The following SCN3A variants were observed in gnomAD, a reference collection of about 807,000 sequenced individuals.
SCN3A encodes the protein sodium channel protein type 3 subunit alpha.
SCN3A carries 60 observed loss-of-function variants against 187.6 expected under a neutral mutation model. That is an observed-to-expected ratio of 0.32 (90% CI 0.26 to 0.40). The LOEUF is 0.40. SCN3A is among the 10% of genes least tolerant of loss of function. SCN3A has a pLI of 1.00. For synonymous variants in SCN3A, 788 were observed against 829.2 expected (o/e 0.95, Z 0.85); for missense variants, 1,601 against 2,428.2 (o/e 0.66, Z 7.16).
intron 2 of SCN3A, chr2:165,179,610 T>G (rs1690708021): frequency 2.0e-5 from 3 of 152,174 alleles, no homozygotes; most frequent in South Asian, 2.1e-4. Context: ...CAAAAGAAAG[T>G]AAAAACGTCT....
chr2:165,126,470 C>G (rs1385279317), intron 18 of SCN3A, among the ~76,000 whole-genome samples: 3 of 145,862 alleles, frequency 2.1e-5, no homozygotes, highest in African/African-American at 7.7e-5. Context: ...CTTTCTCTTT[C>G]TTTATTTCTT....
chr2:165,176,672 A>C (rs1423109157), intron 2 of SCN3A, among the ~76,000 whole-genome samples: 1 of 152,158 alleles, frequency 6.6e-6, no homozygotes, highest in Admixed American at 6.6e-5. Context: ...AATTAGTTTG[A>C]TTTAGCCATT....
chr2:165,126,998 T>C (rs1687034148), intron 18 of SCN3A, among the ~76,000 whole-genome samples: 1 of 152,178 alleles, frequency 6.6e-6, no homozygotes, highest in Admixed American at 6.5e-5. Context: ...CGAAAATAAG[T>C]TATTTTTTAA....
In SCN3A at chr2:165,097,316, C is replaced by T. The variant is rs770870751; in HGVS notation, c.4175G>A (p.Arg1392Gln). ...SDCQALGKQA[R>Q]WKNVKVNFDN... ...AAAGTTTACTTTCACGTTTTTCCAC[C>T]GAGCTTGCTTGCCAAGAGCCTGACA... Residue 1392 changes from arginine (R) to glutamine (Q), a missense_variant, in exon 23 of 28, where the codon CGG (arginine) becomes CAG (glutamine). Physicochemically the swap from Arg to Gln is conservative, Grantham distance 43 (BLOSUM62 1). This residue lies in a region of SCN3A where 320 missense variants were observed against 623.2 expected (regional missense o/e 0.51). Coordinates refer to ENST00000283254, the MANE Select transcript of SCN3A (RefSeq NM_006922.4). 1.5e-5 allele frequency: 25 copies of T among 1,613,880 alleles called. No individual in the cohort carries two copies. Among genetic ancestry groups the T allele is most frequent in the African/African-American group, 8.0e-5 (6 of 74,880 alleles).
chr2:165,159,750 A>G (rs551571446), intron 9 of SCN3A, among the ~76,000 whole-genome samples: 1 of 134,054 alleles, frequency 7.5e-6, no homozygotes, highest in South Asian at 2.4e-4. Flanking sequence ...TTCTCTTAAG[A>G]ATATCTTTGT....
chr2:165,106,547 G>A (rs1386101046), intron 21 of SCN3A, among the ~76,000 whole-genome samples: 1 of 152,114 alleles, frequency 6.6e-6, no homozygotes, highest in East Asian at 1.9e-4. Flanking sequence ...CATAATGAAT[G>A]TATGTTATAT....
At chr2:165,128,978 T>C (rs1687155165) in intron 17 of SCN3A, among the ~76,000 whole-genome samples, 1 of 152,206 alleles carries the variant, frequency 6.6e-6, no homozygotes, top group African/African-American at 2.4e-5. Context: ...TAGTTAGTTA[T>C]TGAGTTTCAG....
In SCN3A at chr2:165,175,843, AGATATTTCACTTT is replaced by A. The variant is rs537037656; in HGVS notation, c.264+275_264+287del. On this transcript the variant is annotated intron_variant, in intron 3 of 27. Coordinates refer to ENST00000283254, the MANE Select transcript of SCN3A (RefSeq NM_006922.4). ...TGTGCTTGAATATGTCAGCCATAAC[AGATATTTCACTTT>A]GTTGATATTAATTTTAATTTTGACT... Among the ~76,000 whole-genome samples, 142 of 152,266 alleles carry A rather than the reference AGATATTTCACTTT, an allele frequency of 9.3e-4. 2 individuals are homozygous for A. The highest frequency in any genetic ancestry group is 3.4e-3 in the African/African-American group (141 of 41,562).
intron 23 of SCN3A, 77 bp downstream of exon 23, chr2:165,097,175 A>G (rs1478574860): frequency 6.4e-7 from 1 of 1,561,614 alleles, no homozygotes; most frequent in East Asian, 2.2e-5. Flanking sequence ...TAGTCATTCA[A>G]ACGAAGAACA....
At chr2:165,099,002 A>T (rs1187427965) in intron 22 of SCN3A, among the ~76,000 whole-genome samples, 8 of 152,196 alleles carry the variant, frequency 5.3e-5, no homozygotes, top group Non-Finnish European at 1.2e-4. Flanking sequence ...ATCTTGTCTA[A>T]CTTTCTTTAG....
intron 15 of SCN3A, among the ~76,000 whole-genome samples, chr2:165,137,166 C>A (rs1687716509): frequency 6.6e-6 from 1 of 152,090 alleles, no homozygotes; most frequent in Non-Finnish European, 1.5e-5. Context: ...GAAAACTGTT[C>A]CTAAAGTCAG....
At chr2:165,134,198 A>C (rs201396201) in intron 15 of SCN3A, among the ~76,000 whole-genome samples, 1 of 152,224 alleles carries the variant, frequency 6.6e-6, no homozygotes, top group Non-Finnish European at 1.5e-5. Flanking sequence ...CAATAGAAAG[A>C]AAAACAATGA....
intron 15 of SCN3A, among the ~76,000 whole-genome samples, chr2:165,137,259 T>A (rs1394357959): frequency 6.6e-6 from 1 of 152,178 alleles, no homozygotes; most frequent in Non-Finnish European, 1.5e-5. Context: ...GCCCCAAGTT[T>A]GTTTTAGTAC....
rs1685898348 is a variant in SCN3A, at chr2:165,107,097, G to T, written c.3843+5788C>A. On this transcript the variant is annotated intron_variant, in intron 21 of 27. Transcript: ENST00000283254. ...ATTTGGAAGAAATGCATGACTTAGAGGGGAAACATGATGAACATGTGCAGA... is the reference window on the plus strand; with the variant it reads ...ATTTGGAAGAAATGCATGACTTAGATGGGAAACATGATGAACATGTGCAGA... 3.3e-5 allele frequency among the ~76,000 whole-genome samples: 5 copies of T among 152,148 alleles called. No individual in the cohort carries two copies. In the South Asian group the frequency reaches 1.0e-3, roughly 32 times the overall value.
chr2:165,093,752 C>G (rs1328048847), intron 26 of SCN3A: 2 of 152,330 alleles, frequency 1.3e-5, no homozygotes, highest in African/African-American at 4.8e-5. Flanking sequence ...CTGGCAATTA[C>G]AAGATTTGTG....
chr2:165,175,766 C>A (rs916110378), intron 3 of SCN3A, among the ~76,000 whole-genome samples: 2 of 152,058 alleles, frequency 1.3e-5, no homozygotes, highest in African/African-American at 4.8e-5. Context: ...TAATTAAGTA[C>A]AACATATGCT....
chr2:165,162,649 T>C lies in SCN3A; in HGVS notation c.874A>G (p.Thr292Ala), dbSNP rs112482609. 2 of 1,613,944 alleles carry C rather than the reference T, an allele frequency of 1.2e-6. No individual in the cohort carries two copies. The highest frequency in any genetic ancestry group is 1.7e-6 in the Non-Finnish European group (2 of 1,180,004). Reference sequence around the variant, plus strand: ...TCCATTGTGCCATTAAAGTAGGAAGTGGTGTTGGTTTCAAAAGCAGAATCG... The same window carrying C: ...TCCATTGTGCCATTAAAGTAGGAAGCGGTGTTGGTTTCAAAAGCAGAATCG... ...PSDSAFETNTTSYFNGTMDSN... is the reference protein window; with the variant it reads ...PSDSAFETNTASYFNGTMDSN... The change falls in exon 8 of 28, where the codon ACT becomes GCT. Residue 292 changes from threonine to alanine, a missense_variant. Physicochemically the swap from Thr to Ala is moderately conservative, Grantham distance 58 (BLOSUM62 0). Around this residue, in one of 11 missense-constraint regions of SCN3A, gnomAD observed 104 missense variants for 102.7 expected, o/e 1.01. Coordinates refer to ENST00000283254, the MANE Select transcript of SCN3A (RefSeq NM_006922.4).
intron 25 of SCN3A, 51 bp downstream of exon 25, chr2:165,095,460 T>A: frequency 1.3e-6 from 2 of 1,569,420 alleles, no homozygotes; most frequent in Non-Finnish European, 1.8e-6. Flanking sequence ...TTGGCTGTAT[T>A]AACAGACAGA....
At chr2:165,172,774 A>G (rs1690185092) in intron 3 of SCN3A, among the ~76,000 whole-genome samples, 1 of 152,170 alleles carries the variant, frequency 6.6e-6, no homozygotes, top group Admixed American at 6.6e-5. Flanking sequence ...TACAGCTGAC[A>G]TGCTAAGAGC....
Sources: allele counts gnomAD v4.1 joint callset (sites outside exome capture counted in the v4.1 genomes callset), GRCh38; gene constraint gnomAD v4.1.1; regional missense constraint gnomAD v4.1.1; transcripts MANE v1.5; gene names NCBI Gene and HGNC (gene_info 2026-07-23, HGNC 2026-07-21).